The following B3GAT2 variants were observed in gnomAD, a reference collection of about 807,000 sequenced individuals.
The protein encoded by B3GAT2 is beta-1,3-glucuronyltransferase 2, also known as galactosylgalactosylxylosylprotein 3-beta-glucuronosyltransferase 2.
B3GAT2 carries 26 observed loss-of-function variants against 27.8 expected under a neutral mutation model. The ratio of observed to expected loss-of-function variants is 0.93; its 90% CI spans 0.68 to 1.30. The LOEUF (loss-of-function observed/expected upper bound fraction) is 1.30. Among genes scored for constraint, B3GAT2 ranks in the 50% most tolerant of loss-of-function variants. The probability of loss-of-function intolerance (pLI) is 0.00; values close to 1 mark genes in which losing one functional copy is unlikely to be tolerated. For missense variants in B3GAT2, 458 were observed against 459.0 expected (o/e 1.00, Z 0.02); for synonymous variants, 218 against 195.1 (o/e 1.12, Z -0.98).
chr6:70,919,068 G>C (rs4707865), intron 1 of B3GAT2, among the ~76,000 whole-genome samples: 1 of 151,840 alleles, frequency 6.6e-6, no homozygotes, highest in Non-Finnish European at 1.5e-5. Context: ...ACATAGTCCC[G>C]TATTTCTTGG....
chr6:70,912,751 A>T (rs1359625387), intron 1 of B3GAT2, among the ~76,000 whole-genome samples: 16 of 152,164 alleles, frequency 1.1e-4, no homozygotes, highest in Admixed American at 8.5e-4. Flanking sequence ...GAATGGTACC[A>T]GCTCTTCTTT....
intron 1 of B3GAT2, among the ~76,000 whole-genome samples, chr6:70,942,038 A>G (rs1329152101): frequency 6.6e-6 from 1 of 152,184 alleles, no homozygotes; most frequent in Non-Finnish European, 1.5e-5. Context: ...TAGTTTTCCT[A>G]TCAATTTACC....
chr6:70,916,218 T>C (rs1172573247), intron 1 of B3GAT2, among the ~76,000 whole-genome samples: 3 of 152,168 alleles, frequency 2.0e-5, no homozygotes, highest in Admixed American at 6.5e-5. Context: ...TCTTGGTGGA[T>C]AGGAATGCTT....
chr6:70,902,617 GAT>G (rs61150776), intron 1 of B3GAT2, among the ~76,000 whole-genome samples: 26,587 of 125,042 alleles, frequency 0.21, 3,015 homozygotes, highest in South Asian at 0.4. Context: ...AAGAAAATGG[GAT>G]ATATATATAT....
At chr6:70,925,227 C>T (rs570596855) in intron 1 of B3GAT2, among the ~76,000 whole-genome samples, 22 of 152,366 alleles carry the variant, frequency 1.4e-4, no homozygotes, top group Non-Finnish European at 2.4e-4. Context: ...CATGCATCTG[C>T]GTGAGTGACG....
At chr6:70,910,958 G>T (rs1346811050) in intron 1 of B3GAT2, among the ~76,000 whole-genome samples, 1 of 151,952 alleles carries the variant, frequency 6.6e-6, no homozygotes, top group African/African-American at 2.4e-5. Context: ...ATGCTTGTTG[G>T]TCACATGTAT....
intron 2 of B3GAT2, among the ~76,000 whole-genome samples, chr6:70,872,360 G>A (rs1771951053): frequency 6.6e-6 from 1 of 151,772 alleles, no homozygotes; most frequent in Non-Finnish European, 1.5e-5. Flanking sequence ...GTGTATTTTG[G>A]AGCTCTGCTG....
In B3GAT2 at chr6:70,941,263, A is replaced by G. The variant is rs34063587; in HGVS notation, c.591+14576T>C. Among the ~76,000 whole-genome samples, 1,303 of 152,286 alleles carry G rather than the reference A, an allele frequency of 8.6e-3. 9 individuals carry two copies. Among genetic ancestry groups the G allele is most frequent in the African/African-American group, 0.014 (577 of 41,564 alleles). ...GCACTTAACAAATCAAGACAGTGCA[A>G]TTATCTGGTATACCCTCAATTAGGG... On this transcript the variant is annotated intron_variant, in intron 1 of 3. Transcript: ENST00000230053.
At chr6:70,891,845 T>C (rs1772294109) in intron 2 of B3GAT2, among the ~76,000 whole-genome samples, 1 of 152,072 alleles carries the variant, frequency 6.6e-6, no homozygotes, top group Non-Finnish European at 1.5e-5. Flanking sequence ...TAAAAGGTCT[T>C]TTCCCTCTTC....
chr6:70,860,956 T>C lies in B3GAT2; in HGVS notation c.*707A>G, dbSNP rs116050787. The C allele has an allele frequency of 1.3e-3, 466 of 355,126 alleles. 3 individuals carry two copies. Among genetic ancestry groups the C allele is most frequent in the African/African-American group, 9.2e-3 (441 of 47,880 alleles). The allele number at this position is 355,126 out of a possible 1,614,324, so 22.0% of individuals were successfully genotyped here. A position where few individuals can be genotyped will look rare whatever the true frequency, so the allele number is the denominator to read the frequency against. The stretch of plus-strand genomic sequence containing the variant: ...GAATTCAAATTTTATCTGCCTCTCT[T>C]GTAATTTGGATCTCTTCTTAATGTA... On this transcript the variant is annotated 3_prime_UTR_variant, in exon 4 of 4. Coordinates refer to ENST00000230053, the MANE Select transcript of B3GAT2 (RefSeq NM_080742.3).
chr6:70,875,060 A>T (rs1348015754), intron 2 of B3GAT2, among the ~76,000 whole-genome samples: 2 of 151,814 alleles, frequency 1.3e-5, no homozygotes, highest in African/African-American at 4.8e-5. Flanking sequence ...TAATTTCCAT[A>T]GTTCTTAAGA....
chr6:70,877,581 G>A (rs1364745202), intron 2 of B3GAT2, among the ~76,000 whole-genome samples: 1 of 152,154 alleles, frequency 6.6e-6, no homozygotes, highest in African/African-American at 2.4e-5. Context: ...GTTTCTGCAT[G>A]CAAAATCCTG....
chr6:70,909,054 A>AC (rs777758661), intron 1 of B3GAT2, among the ~76,000 whole-genome samples: 8 of 152,200 alleles, frequency 5.3e-5, no homozygotes, highest in Non-Finnish European at 1.2e-4. Flanking sequence ...AACATGACCA[A>AC]CCATTACTTA....
rs1765339715 is a variant in B3GAT2 at position 70,938,840 on chromosome 6, C to G, written c.591+16999G>C. 3.9e-5 allele frequency among the ~76,000 whole-genome samples: 6 copies of G among 151,908 alleles called. No individual in the cohort carries two copies. In the South Asian group the frequency reaches 1.3e-3, roughly 32 times the overall value. Reference sequence around the variant, plus strand: ...TTACCATTCAGGACATAGGCATGGGCAAGGACTTCATGTCTAAAACACCAA... The same window carrying G: ...TTACCATTCAGGACATAGGCATGGGGAAGGACTTCATGTCTAAAACACCAA... On this transcript the variant is annotated intron_variant, in intron 1 of 3. Coordinates refer to ENST00000230053, the MANE Select transcript of B3GAT2 (RefSeq NM_080742.3).
rs2150055099 is a variant in B3GAT2 at position 70,955,979 on chromosome 6, G to C, written c.451C>G (p.Pro151Ala). 6.8e-7 allele frequency: 1 copy of C among 1,462,364 alleles called. No homozygotes were observed. Among genetic ancestry groups the C allele is most frequent in the Non-Finnish European group, 9.0e-7 (1 of 1,115,708 alleles). The allele number at this position is 1,462,364 out of a possible 1,614,324, so 90.6% of individuals were successfully genotyped here. Residue 151 changes from proline to alanine, a missense_variant, in exon 1 of 4, where the codon CCC (proline) becomes GCC (alanine). Physicochemically the swap from Pro to Ala is conservative, Grantham distance 27 (BLOSUM62 -1). Transcript: ENST00000230053. ...HVPTPRRYKR[P>A]GLPRATEQRN... ...TGCTCAGTGGCGCGCGGCAGCCCGG[G>C]CCGCTTGTAGCGCCGCGGCGTGGGC...
intron 1 of B3GAT2, among the ~76,000 whole-genome samples, chr6:70,903,586 A>G (rs1772547017): frequency 6.6e-6 from 1 of 152,214 alleles, no homozygotes; most frequent in Admixed American, 6.5e-5. Flanking sequence ...ATGACCAATT[A>G]TCACACAAAA....
At chr6:70,906,241 C>T (rs950621515) in intron 1 of B3GAT2, among the ~76,000 whole-genome samples, 1 of 152,174 alleles carries the variant, frequency 6.6e-6, no homozygotes, top group African/African-American at 2.4e-5. Flanking sequence ...ATGTTATTAA[C>T]CATGCAGTTT....
chr6:70,934,804 T>A (rs987234956), intron 1 of B3GAT2, among the ~76,000 whole-genome samples: 3 of 152,206 alleles, frequency 2.0e-5, no homozygotes, highest in Admixed American at 6.5e-5. Flanking sequence ...CAATCTGTAA[T>A]ATTTGTCAAT....
chr6:70,861,689 G>T lies in B3GAT2; in HGVS notation c.946C>A (p.Leu316Met), dbSNP rs1771736185. Residue 316 changes from leucine (L) to methionine (M), a missense_variant, in exon 4 of 4, where the codon CTG becomes ATG. By Grantham distance (15) the Leu-to-Met change is conservative. Coordinates refer to ENST00000230053, the MANE Select transcript of B3GAT2 (RefSeq NM_080742.3). ...VNLANEPKYH[L>M]DTVKIEV ...TATACCTCAATTTTCACTGTGTCCA[G>T]GTGGTACTTTGGCTCGTTGGCTAGA... is the stretch of plus-strand genomic sequence containing the variant. The T allele has an allele frequency of 1.2e-6, 2 of 1,613,978 alleles. No homozygotes were observed. The highest frequency in any genetic ancestry group is 2.7e-5 in the African/African-American group (2 of 74,924).
Sources: allele counts gnomAD v4.1 joint callset (sites outside exome capture counted in the v4.1 genomes callset), GRCh38; gene constraint gnomAD v4.1.1; transcripts MANE v1.5; gene names NCBI Gene and HGNC (gene_info 2026-07-23, HGNC 2026-07-21).